Variants in CYP4F12 observed in about 807,000 individuals in gnomAD.
CYP4F12 encodes cytochrome P450 4F12.
A neutral mutation model predicts 56.5 loss-of-function variants in CYP4F12; 60 were observed. That is an observed-to-expected ratio of 1.06 (90% CI 0.86 to 1.32). CYP4F12 has a LOEUF of 1.32. Among genes scored for constraint, CYP4F12 ranks in the 40% most tolerant of loss-of-function variants. The pLI, the probability that CYP4F12 is intolerant of heterozygous loss-of-function variation, is 0.00. For synonymous variants in CYP4F12, 263 were observed against 264.9 expected (o/e 0.99, Z 0.07); for missense variants, 711 against 683.5 (o/e 1.04, Z -0.45).
chr19:15,673,732 G>A lies in CYP4F12; in HGVS notation c.198+5G>A, dbSNP rs2006743344. 1 of 1,613,670 alleles carries A rather than the reference G, an allele frequency of 6.2e-7. No homozygotes were observed. Among genetic ancestry groups the A allele is most frequent in the African/African-American group, 1.3e-5 (1 of 74,902 alleles). ...TTTTGGGGTCACCTGGGCCTGGTGA[G>A]TGTGACAGCAAAATGTGTCTGGGGT... On this transcript the variant is annotated splice_donor_5th_base_variant and intron_variant, in intron 2 of 12. Coordinates refer to ENST00000550308, the MANE Select transcript of CYP4F12 (RefSeq NM_023944.4).
At chr19:15,696,409 C>A (rs1555754485) in intron 11 of CYP4F12, 21 bp from the exon 12 acceptor site, 6 of 1,614,100 alleles carry the variant, frequency 3.7e-6, no homozygotes, top group Non-Finnish European at 5.1e-6. Flanking sequence ...CACTGGCAAA[C>A]CTTCTTTGTC....
rs149756233 is a variant in CYP4F12 at position 15,677,754 on chromosome 19, C to G, written c.199-507C>G. ...TCTCCTCACTCACTCATTCCTCTAC[C>G]CATGCACTCATTCTTCTCCTCACTC... On this transcript the variant is annotated intron_variant, in intron 2 of 12. Transcript: ENST00000550308. 3.4e-3 allele frequency among the ~76,000 whole-genome samples: 27 copies of G among 7,832 alleles called. 1 individual carries two copies. The highest frequency in any genetic ancestry group is 0.025 in the East Asian group (1 of 40). The allele number at this position is 7,832 out of a possible 152,430, so 5.1% of individuals were successfully genotyped here.
Position 15,685,056 on chromosome 19 carries a change from G to T in CYP4F12, c.986-12G>T, listed in dbSNP as rs1417850093. 6.2e-7 allele frequency: 1 copy of T among 1,610,300 alleles called. No homozygotes were observed. Among genetic ancestry groups the T allele is most frequent in the Non-Finnish European group, 8.5e-7 (1 of 1,177,572 alleles). On this transcript the variant is annotated splice_polypyrimidine_tract_variant and intron_variant, in intron 8 of 12. Coordinates refer to ENST00000550308, the MANE Select transcript of CYP4F12 (RefSeq NM_023944.4). ...CCGGTGCTGAAGCCAAGCTTACCTG[G>T]CTGCTCCTCAGGCCATGACACCACG... is the stretch of plus-strand genomic sequence containing the variant.
intron 12 of CYP4F12, 118 bp from the exon 13 acceptor site, chr19:15,696,790 T>TTC (rs368441035): frequency 3.1e-5 from 41 of 1,311,656 alleles, no homozygotes; most frequent in East Asian, 1.8e-4. Flanking sequence ...CGCTTAGTCT[T>TTC]TCTCTCTCTC....
chr19:15,696,275 T>G (rs1312901474), intron 11 of CYP4F12, 50 bp downstream of exon 11: 2 of 1,612,282 alleles, frequency 1.2e-6, no homozygotes, highest in Non-Finnish European at 1.7e-6. Context: ...TACTTTTGTG[T>G]GTGTGTGTGT....
At chr19:15,691,242 T>A (rs1037072129) in intron 9 of CYP4F12, among the ~76,000 whole-genome samples, 17 of 152,200 alleles carry the variant, frequency 1.1e-4, no homozygotes, top group African/African-American at 3.9e-4. Flanking sequence ...TCTAAACATC[T>A]CCCCATCCAT....
intron 9 of CYP4F12, 85 bp from the exon 10 acceptor site, chr19:15,695,851 G>GA: frequency 6.6e-7 from 1 of 1,518,556 alleles, no homozygotes; most frequent in Non-Finnish European, 8.8e-7. Context: ...GTGATAGGGA[G>GA]AAAAGGTCTC....
At chr19:15,673,766 G>A (rs1254520544) in intron 2 of CYP4F12, 39 bp downstream of exon 2, 2 of 1,607,256 alleles carry the variant, frequency 1.2e-6, no homozygotes, top group Non-Finnish European at 8.5e-7. Context: ...GTCTCAGGGT[G>A]GATGGACTTC....
intron 7 of CYP4F12, chr19:15,684,334 T>C (rs2007482948): frequency 1.9e-5 from 3 of 158,506 alleles, no homozygotes; most frequent in Admixed American, 1.9e-4. Context: ...TGTTCTGGCG[T>C]ATAAACTACC....
chr19:15,686,332 G>A (rs1484586620), intron 9 of CYP4F12, among the ~76,000 whole-genome samples: 1 of 152,198 alleles, frequency 6.6e-6, no homozygotes, highest in African/African-American at 2.4e-5. Context: ...CTGAAACCCT[G>A]AATGGTGATC....
In CYP4F12 at chr19:15,678,537, C is replaced by T. The variant is rs1369295677; in HGVS notation, c.343+132C>T. On this transcript the variant is annotated intron_variant, in intron 3 of 12. Coordinates refer to ENST00000550308, the MANE Select transcript of CYP4F12 (RefSeq NM_023944.4). ...TTCTCAATGTCTTCTCCCTCCATTG[C>T]CATCTGCTCCCTGTCTTGGTGTTCT... The T allele has an allele frequency of 9.0e-6, 11 of 1,225,350 alleles. No homozygotes were observed. In the Admixed American group the frequency reaches 1.3e-4, roughly 15 times the overall value. The allele number at this position is 1,225,350 out of a possible 1,614,324, so 75.9% of individuals were successfully genotyped here. A position where few individuals can be genotyped will look rare whatever the true frequency, so the allele number is the denominator to read the frequency against.
Position 15,680,406 on chromosome 19 carries a change from C to T in CYP4F12, c.412C>T (p.Leu138=). Residue 138 remains leucine, a synonymous_variant, in exon 5 of 13, where the codon CTG becomes TTG. Coordinates refer to ENST00000550308, the MANE Select transcript of CYP4F12 (RefSeq NM_023944.4). ...TGCCCTACTAGGAGAAGGGATACTG[C>T]TGAGTGGCGGTGACAAGTGGAGCCG... is the stretch of plus-strand genomic sequence containing the variant. ...LKPWLGEGIL[L]SGGDKWSRHR... 6.2e-7 allele frequency: 1 copy of T among 1,614,162 alleles called. No homozygotes were observed. The highest frequency in any genetic ancestry group is 8.5e-7 in the Non-Finnish European group (1 of 1,179,998).
At chr19:15,696,832 C>T (rs780038143) in intron 12 of CYP4F12, 76 bp from the exon 13 acceptor site, 30 of 1,507,436 alleles carry the variant, frequency 2.0e-5, no homozygotes, top group Non-Finnish European at 2.4e-5. Flanking sequence ...GTTGGGGGTC[C>T]CAGGCCAGGT....
intron 2 of CYP4F12, among the ~76,000 whole-genome samples, chr19:15,674,689 C>CA (rs71176764): frequency 1.5e-4 from 20 of 135,250 alleles, no homozygotes; most frequent in South Asian, 4.8e-4. Context: ...TCATTCCTCT[C>CA]CTCATTCACT....
chr19:15,685,763 C>G (rs1156274451), intron 9 of CYP4F12, among the ~76,000 whole-genome samples: 1 of 152,160 alleles, frequency 6.6e-6, no homozygotes, highest in Non-Finnish European at 1.5e-5. Flanking sequence ...CCCTTCACTC[C>G]TTTCTTGTTT....
rs1339531671 is a variant in CYP4F12 at position 15,685,062 on chromosome 19, C to A, written c.986-6C>A. ...CTGAAGCCAAGCTTACCTGGCTGCT[C>A]CTCAGGCCATGACACCACGGCCAGT... On this transcript the variant is annotated splice_polypyrimidine_tract_variant and splice_region_variant and intron_variant, in intron 8 of 12. Transcript: ENST00000550308. 1 of 1,612,608 alleles carries A rather than the reference C, an allele frequency of 6.2e-7. No individual in the cohort carries two copies. The highest frequency in any genetic ancestry group is 2.2e-5 in the East Asian group (1 of 44,870).
intron 5 of CYP4F12, chr19:15,681,026 C>CCA (rs2007270218): frequency 5.4e-6 from 1 of 183,798 alleles, no homozygotes; most frequent in Non-Finnish European, 1.1e-5. Context: ...GCTGTGACAC[C>CCA]TGGACTTTCC....
At chr19:15,682,166 G>A (rs1599960071) in intron 5 of CYP4F12, 8 of 473,988 alleles carry the variant, frequency 1.7e-5, no homozygotes, top group South Asian at 1.3e-4. Context: ...ATAGGAGACA[G>A]AGCTGAGACT....
chr19:15,687,255 C>T (rs902388333), intron 9 of CYP4F12, among the ~76,000 whole-genome samples: 1 of 141,296 alleles, frequency 7.1e-6, no homozygotes, highest in African/African-American at 2.7e-5. Context: ...CCAGCCTGGG[C>T]AACAGAGTGA....
Sources: allele counts gnomAD v4.1 joint callset (sites outside exome capture counted in the v4.1 genomes callset), GRCh38; gene constraint gnomAD v4.1.1; transcripts MANE v1.5; gene names NCBI Gene and HGNC (gene_info 2026-07-23, HGNC 2026-07-21).